NFIB: variants seen among roughly 807,000 people sequenced by gnomAD.
NFIB encodes nuclear factor I B.
A neutral mutation model predicts 61.5 loss-of-function variants in NFIB; 11 were observed. That is an observed-to-expected ratio of 0.18 (90% CI 0.11 to 0.30). The LOEUF (loss-of-function observed/expected upper bound fraction) is 0.30. NFIB is among the 10% of genes least tolerant of loss of function. The pLI is 1.00. For synonymous variants in NFIB, 260 were observed against 216.5 expected (o/e 1.20, Z -1.76); for missense variants, 471 against 608.9 (o/e 0.77, Z 2.38).
At chr9:14,467,269 C>T in the NFIB span, among the ~76,000 whole-genome samples, 231 of 152,266 alleles carry the variant, frequency 1.5e-3, 3 homozygotes, top group African/African-American at 5.4e-3. Context: ...TAATCCTTGA[C>T]CTCCACCTTA....
intron 2 of NFIB, among the ~76,000 whole-genome samples, chr9:14,287,597 T>C (rs1299753615): frequency 1.3e-5 from 2 of 151,802 alleles, no homozygotes; most frequent in African/African-American, 2.4e-5. Flanking sequence ...TAATTTTTTG[T>C]ATTTTTTAGT....
rs1211081496 is a variant in NFIB at position 14,155,913 on chromosome 9, G to A, written c.617-20C>T. 7.0e-7 allele frequency: 1 copy of A among 1,422,778 alleles called. No individual in the cohort carries two copies. Among genetic ancestry groups the A allele is most frequent in the Non-Finnish European group, 9.7e-7 (1 of 1,026,878 alleles). The allele number at this position is 1,422,778 out of a possible 1,614,324, so 88.1% of individuals were successfully genotyped here. A position where few individuals can be genotyped will look rare whatever the true frequency, so the allele number is the denominator to read the frequency against. On this transcript the variant is annotated intron_variant, in intron 3 of 10. Coordinates refer to ENST00000380953, the MANE Select transcript of NFIB (RefSeq NM_001190737.2). ...GGTAACCTGAAAATAAATATTAAAG[G>A]AAAAATGATCAATATAAGCAGAAAG... is the stretch of plus-strand genomic sequence containing the variant.
chr9:14,112,569 C>T lies in NFIB; in HGVS notation c.1467+430G>A, dbSNP rs184837546. On this transcript the variant is annotated intron_variant, in intron 10 of 10. Transcript: ENST00000380953. The stretch of plus-strand genomic sequence containing the variant: ...TAACTTCGTAACTCATCGTCTTGGA[C>T]TAAAATACAAATGTGAGGAGCAAAA... Among the ~76,000 whole-genome samples, 259 of 152,206 alleles carry T rather than the reference C, an allele frequency of 1.7e-3. 2 individuals are homozygous for T. Among genetic ancestry groups the T allele is most frequent in the Middle Eastern group, 3.4e-3 (1 of 294 alleles).
the NFIB span, among the ~76,000 whole-genome samples, chr9:14,422,818 G>C: frequency 6.6e-6 from 1 of 152,316 alleles, no homozygotes; most frequent in African/African-American, 2.4e-5. Context: ...AGATAGCCCT[G>C]TGTTGTGGGA....
intron 2 of NFIB, among the ~76,000 whole-genome samples, chr9:14,242,050 A>G (rs764328586): frequency 6.6e-6 from 1 of 152,212 alleles, no homozygotes; most frequent in Non-Finnish European, 1.5e-5. Context: ...AGTTAAGCCT[A>G]TAAGGCAAAC....
At chr9:14,306,662 G>C (rs370339693) in intron 2 of NFIB, among the ~76,000 whole-genome samples, 1 of 152,036 alleles carries the variant, frequency 6.6e-6, no homozygotes, top group Non-Finnish European at 1.5e-5. Context: ...TGTAGCCTAC[G>C]ACAGAAAGTA....
intron 6 of NFIB, among the ~76,000 whole-genome samples, chr9:14,140,425 T>TAGGATTC (rs1399060643): frequency 1.3e-5 from 2 of 152,160 alleles, no homozygotes; most frequent in African/African-American, 2.4e-5. Context: ...GATTCTTTGA[T>TAGGATTC]AGAAATAAAA....
Position 14,144,574 on chromosome 9 carries a change from C to T in NFIB, c.925+2115G>A, listed in dbSNP as rs147490099. Among the ~76,000 whole-genome samples, 415 of 152,264 alleles carry T rather than the reference C, an allele frequency of 2.7e-3. 1 individual carries two copies. Among genetic ancestry groups the T allele is most frequent in the Non-Finnish European group, 3.7e-3 (250 of 68,018 alleles). ...ACAACTACTTATTGTACTCCTACTA[C>T]GCACCAAGTGTGTGTTAAGTGCTGG... On this transcript the variant is annotated intron_variant, in intron 6 of 10. Transcript: ENST00000380953.
At chr9:14,451,906 T>C in the NFIB span, among the ~76,000 whole-genome samples, 3 of 151,976 alleles carry the variant, frequency 2.0e-5, no homozygotes, top group Non-Finnish European at 2.9e-5. Context: ...GAACCTGTCG[T>C]CCTGTTTTAA....
chr9:14,397,755 T>C lies in NFIB; in HGVS notation c.108+769A>G, dbSNP rs911522704. 2.6e-5 allele frequency among the ~76,000 whole-genome samples: 4 copies of C among 152,248 alleles called. No homozygotes were observed. In the South Asian group the frequency reaches 6.2e-4, roughly 24 times the overall value. ...CTGAGGTGTTCTGACATAGTAGCTA[T>C]ACAAAGACACCATTATTAATTAAGG... On this transcript the variant is annotated intron_variant, in intron 1 of 8. Transcript: ENST00000380934.
At chr9:14,189,842 G>A (rs1038722976) in intron 2 of NFIB, among the ~76,000 whole-genome samples, 9 of 151,098 alleles carry the variant, frequency 6.0e-5, no homozygotes, top group African/African-American at 1.9e-4. Context: ...ACTGGTAGCA[G>A]TTAAAACAGT....
intron 10 of NFIB, among the ~76,000 whole-genome samples, chr9:14,100,709 G>A (rs899572582): frequency 2.0e-5 from 3 of 152,184 alleles, no homozygotes; most frequent in Admixed American, 6.5e-5. Flanking sequence ...GCGAGACTCC[G>A]TCTCAAAACA....
intron 3 of NFIB, among the ~76,000 whole-genome samples, chr9:14,175,044 C>G (rs2046008543): frequency 6.6e-6 from 1 of 151,688 alleles, no homozygotes; most frequent in African/African-American, 2.4e-5. Context: ...ACTAGTTTTC[C>G]TAATAATTAT....
chr9:14,111,329 A>G (rs1054878153), intron 10 of NFIB, among the ~76,000 whole-genome samples: 4 of 152,176 alleles, frequency 2.6e-5, no homozygotes, highest in Non-Finnish European at 5.9e-5. Context: ...AAGAAAATTA[A>G]AGCTGCCATA....
In NFIB at chr9:14,103,346, G is replaced by C. The variant is rs185396891; in HGVS notation, c.1467+9653C>G. 5.6e-3 allele frequency among the ~76,000 whole-genome samples: 839 copies of C among 148,790 alleles called. 9 individuals carry two copies. Among genetic ancestry groups the C allele is most frequent in the African/African-American group, 0.018 (723 of 40,626 alleles). On this transcript the variant is annotated intron_variant, in intron 10 of 10. Coordinates refer to ENST00000380953, the MANE Select transcript of NFIB (RefSeq NM_001190737.2). ...AGAAAGTAAACTTATCTGGGTTGGG[G>C]GGGGGGAAACACAGTAGAAAATCAT...
chr9:14,405,272 A>C, the NFIB span, among the ~76,000 whole-genome samples: 1 of 152,202 alleles, frequency 6.6e-6, no homozygotes, highest in East Asian at 1.9e-4. Context: ...CACCAATTAG[A>C]TTTTAGTGGA....
the NFIB span, among the ~76,000 whole-genome samples, chr9:14,429,608 T>A: frequency 6.6e-6 from 1 of 152,178 alleles, no homozygotes; most frequent in Non-Finnish European, 1.5e-5. Flanking sequence ...CCCTTCATCA[T>A]CCCTCAATTC....
At chr9:14,216,839 G>A (rs919991298) in intron 2 of NFIB, among the ~76,000 whole-genome samples, 1 of 152,198 alleles carries the variant, frequency 6.6e-6, no homozygotes, top group African/African-American at 2.4e-5. Flanking sequence ...GATGAAAACT[G>A]TTGTCAGACA....
intron 10 of NFIB, among the ~76,000 whole-genome samples, chr9:14,107,786 A>G (rs192098886): frequency 2.0e-4 from 30 of 152,216 alleles, no homozygotes; most frequent in African/African-American, 6.5e-4. Context: ...TAATGCTAAA[A>G]TATCTGTAAA....
Sources: allele counts gnomAD v4.1 joint callset (sites outside exome capture counted in the v4.1 genomes callset), GRCh38; gene constraint gnomAD v4.1.1; transcripts MANE v1.5; gene names NCBI Gene and HGNC (gene_info 2026-07-23, HGNC 2026-07-21).